BTRC: variants seen among roughly 807,000 people sequenced by gnomAD.
BTRC encodes the protein F-box/WD repeat-containing protein 1A.
In BTRC, 42 loss-of-function variants were observed where a neutral mutation model predicts 85.5. The observed-to-expected ratio is 0.49, with a 90% confidence interval of 0.38 to 0.64. The LOEUF (loss-of-function observed/expected upper bound fraction) is 0.64, where lower values mean the gene tolerates loss of function less well. Among genes scored for constraint, BTRC ranks in the 30% least tolerant of loss-of-function variants. The pLI is 0.00. For missense variants in BTRC, 594 were observed against 743.5 expected, an observed-to-expected ratio of 0.80 and a Z score of 2.34; for synonymous variants, 255 against 263.3, an observed-to-expected ratio of 0.97 and a Z score of 0.30.
At chr10:101,434,447 T>C (rs1252207554) in intron 2 of BTRC, among the ~76,000 whole-genome samples, 2 of 152,136 alleles carry the variant, frequency 1.3e-5, no homozygotes, top group Non-Finnish European at 2.9e-5. Context: ...TTGAAATGGA[T>C]CATAGACCTA....
intron 3 of BTRC, among the ~76,000 whole-genome samples, chr10:101,465,870 T>G (rs1945358935): frequency 6.6e-6 from 1 of 152,198 alleles, no homozygotes; most frequent in African/African-American, 2.4e-5. Context: ...GTAAAGAAAG[T>G]TAATTTTCTT....
intron 1 of BTRC, among the ~76,000 whole-genome samples, chr10:101,416,861 A>G (rs950217888): frequency 6.6e-6 from 1 of 152,120 alleles, no homozygotes; most frequent in Admixed American, 6.6e-5. Context: ...TTTAGCTTCT[A>G]TAATTTTCTG....
chr10:101,546,233 G>T (rs1393241202), intron 13 of BTRC, among the ~76,000 whole-genome samples: 1 of 152,064 alleles, frequency 6.6e-6, no homozygotes, highest in Non-Finnish European at 1.5e-5. Flanking sequence ...GCCATAAAAG[G>T]TACCTTAAAA....
chr10:101,496,483 A>G (rs1238196458), intron 4 of BTRC, among the ~76,000 whole-genome samples: 1 of 152,152 alleles, frequency 6.6e-6, no homozygotes, highest in Non-Finnish European at 1.5e-5. Flanking sequence ...CAGCGCAATC[A>G]TAGCTCACTG....
intron 3 of BTRC, among the ~76,000 whole-genome samples, chr10:101,467,329 G>GTTT (rs776563405): frequency 8.5e-6 from 1 of 117,270 alleles, no homozygotes; most frequent in Admixed American, 8.9e-5. Flanking sequence ...GGCAGGCAGG[G>GTTT]TTTTTTTTTT....
intron 1 of BTRC, among the ~76,000 whole-genome samples, chr10:101,420,937 C>G (rs1426932214): frequency 6.6e-6 from 1 of 151,212 alleles, no homozygotes; most frequent in Non-Finnish European, 1.5e-5. Flanking sequence ...GTCAGTTACT[C>G]CCACATCTCT....
intron 13 of BTRC, among the ~76,000 whole-genome samples, chr10:101,541,589 G>A (rs2062470143): frequency 6.6e-6 from 1 of 152,086 alleles, no homozygotes; most frequent in African/African-American, 2.4e-5. Context: ...CCATTATCAG[G>A]GGATTAGGCA....
At position 101,483,382 on chromosome 10, in the gene BTRC, C is replaced by T. The variant is rs555506810; in HGVS notation, c.324+3925C>T. Among the ~76,000 whole-genome samples the T allele has an allele frequency of 2.6e-5, 4 of 152,282 alleles. No individual in the cohort carries two copies. In the East Asian group the frequency reaches 7.7e-4, roughly 29 times the overall value. On this transcript the variant is annotated intron_variant, in intron 4 of 14. Transcript: ENST00000370187. Reference sequence around the variant, plus strand: ...GGCCGAGACGGGTGGATCACGAGGTCAGGAGTTCAAGACCAGCCCAACCAA... The same window carrying T: ...GGCCGAGACGGGTGGATCACGAGGTTAGGAGTTCAAGACCAGCCCAACCAA...
chr10:101,451,643 T>A (rs1169787654), intron 2 of BTRC, among the ~76,000 whole-genome samples: 1 of 152,032 alleles, frequency 6.6e-6, no homozygotes, highest in African/African-American at 2.4e-5. Context: ...GACAATATAT[T>A]TTTTCCCCCC....
chr10:101,438,779 A>C (rs990281453), intron 2 of BTRC, among the ~76,000 whole-genome samples: 3 of 152,134 alleles, frequency 2.0e-5, no homozygotes, highest in African/African-American at 4.8e-5. Context: ...AAGCACTTCA[A>C]CTGCAGCACA....
intron 2 of BTRC, among the ~76,000 whole-genome samples, chr10:101,435,480 T>C (rs1944504318): frequency 6.6e-6 from 1 of 152,218 alleles, no homozygotes; most frequent in African/African-American, 2.4e-5. Context: ...CTGTTTTCTT[T>C]CAATCAGTAT....
In BTRC at chr10:101,528,674, AT is replaced by A. The variant is rs1225333878; in HGVS notation, c.743+2477del. On this transcript the variant is annotated intron_variant, in intron 6 of 14. Transcript: ENST00000370187. ...GCTTCTGTTTTTACATGTTGACTTTATTCCTGTGTCAGTTTTCTTCCCTTTT... is the reference window on the plus strand; with the variant it reads ...GCTTCTGTTTTTACATGTTGACTTTATCCTGTGTCAGTTTTCTTCCCTTTT... Among the ~76,000 whole-genome samples, 5 of 151,910 alleles carry A rather than the reference AT, an allele frequency of 3.3e-5. No individual in the cohort carries two copies. In the East Asian group the frequency reaches 9.6e-4, roughly 29 times the overall value.
At chr10:101,421,169 T>C (rs1050341682) in intron 1 of BTRC, among the ~76,000 whole-genome samples, 2 of 152,016 alleles carry the variant, frequency 1.3e-5, no homozygotes, top group Admixed American at 6.6e-5. Context: ...TGATCAGTTA[T>C]CCAGTCCTGT....
In BTRC at chr10:101,457,752, T is replaced by G. The variant is rs142212351; in HGVS notation, c.157-4229T>G. 2.0e-4 allele frequency among the ~76,000 whole-genome samples: 30 copies of G among 152,274 alleles called. 1 individual carries two copies. In the East Asian group the frequency reaches 5.6e-3, roughly 28 times the overall value. ...TAACGTTAATTACATTTGATGGAAT[T>G]TTCCCCCTAAAATTTATTTTTCACT... On this transcript the variant is annotated intron_variant, in intron 2 of 14. Coordinates refer to ENST00000370187, the MANE Select transcript of BTRC (RefSeq NM_033637.4).
chr10:101,366,417 G>A lies in BTRC; in HGVS notation c.48+12189G>A, dbSNP rs570853618. Among the ~76,000 whole-genome samples, 55 of 151,962 alleles carry A rather than the reference G, an allele frequency of 3.6e-4. No individual in the cohort carries two copies. The South Asian group carries it at 3.9e-3, about 11-fold the overall frequency. ...GGCATTTATAAATATCTCTTAAGGC[G>A]CACTTTGTTAAGTGCTAAAATAGTG... is the stretch of plus-strand genomic sequence containing the variant. On this transcript the variant is annotated intron_variant, in intron 1 of 14. Transcript: ENST00000370187.
At chr10:101,358,686 G>A (rs1942113741) in intron 1 of BTRC, among the ~76,000 whole-genome samples, 1 of 152,108 alleles carries the variant, frequency 6.6e-6, no homozygotes, top group South Asian at 2.1e-4. Flanking sequence ...CTCTATATGG[G>A]CCTTTCTCTA....
At chr10:101,398,896 G>A (rs957101443) in intron 1 of BTRC, among the ~76,000 whole-genome samples, 1 of 152,138 alleles carries the variant, frequency 6.6e-6, no homozygotes, top group Non-Finnish European at 1.5e-5. Context: ...TACATTGCCT[G>A]GTTTTGCCTG....
At chr10:101,394,831 A>G (rs1354354147) in intron 1 of BTRC, among the ~76,000 whole-genome samples, 4 of 152,160 alleles carry the variant, frequency 2.6e-5, no homozygotes, top group African/African-American at 4.8e-5. Context: ...TGTAGCAGCA[A>G]AAGCACAGAT....
At chr10:101,424,164 G>A (rs907364215) in intron 1 of BTRC, among the ~76,000 whole-genome samples, 2 of 152,092 alleles carry the variant, frequency 1.3e-5, no homozygotes, top group Admixed American at 1.3e-4. Flanking sequence ...AACCTGGGAG[G>A]CGGAGGTTGC....
Sources: allele counts gnomAD v4.1 joint callset (sites outside exome capture counted in the v4.1 genomes callset), GRCh38; gene constraint gnomAD v4.1.1; transcripts MANE v1.5; gene names NCBI Gene and HGNC (gene_info 2026-07-23, HGNC 2026-07-21).